Variants in RBL2 observed in about 807,000 individuals in gnomAD.
RBL2 encodes the protein retinoblastoma-like protein 2.
A neutral mutation model predicts 126.0 loss-of-function variants in RBL2; 56 were observed. The ratio of observed to expected loss-of-function variants is 0.44; its 90% CI spans 0.36 to 0.56. The LOEUF (loss-of-function observed/expected upper bound fraction) is 0.56, where lower values mean the gene tolerates loss of function less well. Ranked by LOEUF, RBL2 falls within the 20% of genes least tolerant of loss-of-function variation. RBL2 has a pLI of 0.00. For synonymous variants in RBL2, 454 were observed against 478.5 expected (o/e 0.95, Z 0.67); for missense variants, 1,229 against 1,398.2 (o/e 0.88, Z 1.93).
chr16:53,454,220 T>A, intron 7 of RBL2: 1 of 453,920 alleles, frequency 2.2e-6, no homozygotes, highest in Non-Finnish European at 4.4e-6. Context: ...TGTTTTGTTT[T>A]TTGAGATGGA....
At chr16:53,466,890 G>T (rs1257682974) in intron 13 of RBL2, 168 bp from the exon 14 acceptor site, 3 of 559,140 alleles carry the variant, frequency 5.4e-6, no homozygotes, top group Non-Finnish European at 9.5e-6. Context: ...TGAATTTTTT[G>T]ACTGCCAAAA....
intron 1 of RBL2, 28 bp from the exon 2 acceptor site, chr16:53,438,988 T>TA: frequency 6.8e-7 from 1 of 1,474,080 alleles, no homozygotes; most frequent in Non-Finnish European, 9.1e-7. Flanking sequence ...GCTTTTTAAC[T>TA]AAAAATCAAT....
chr16:53,454,349 C>T (rs886739502), intron 7 of RBL2: 1 of 365,474 alleles, frequency 2.7e-6, no homozygotes, highest in African/African-American at 2.2e-5. Context: ...TGAATACAGG[C>T]ACGTGCCACC....
chr16:53,462,494 G>A, intron 10 of RBL2, 58 bp from the exon 11 acceptor site: 1 of 1,008,346 alleles, frequency 9.9e-7, no homozygotes, highest in Non-Finnish European at 1.5e-6. Context: ...GGAGGAATGG[G>A]CCTTTATTTT....
chr16:53,463,486 C>T (rs1327521855), intron 11 of RBL2, among the ~76,000 whole-genome samples: 2 of 151,690 alleles, frequency 1.3e-5, no homozygotes, highest in South Asian at 2.1e-4. Flanking sequence ...AGGTGATCTG[C>T]CTGCTTCGGC....
At chr16:53,463,564 T>C (rs1295104455) in intron 11 of RBL2, among the ~76,000 whole-genome samples, 1 of 140,852 alleles carries the variant, frequency 7.1e-6, no homozygotes, top group Non-Finnish European at 1.5e-5. Context: ...TTTTTTCCTT[T>C]TTTTTTTTTT....
chr16:53,449,958 C>CTTTTTT (rs764078451), intron 4 of RBL2, among the ~76,000 whole-genome samples: 3 of 109,744 alleles, frequency 2.7e-5, no homozygotes, highest in East Asian at 2.5e-4. Context: ...ACAGTACTGC[C>CTTTTTT]TTTTTTTTTT....
At chr16:53,467,937 A>G (rs962639563) in intron 14 of RBL2, among the ~76,000 whole-genome samples, 1 of 152,208 alleles carries the variant, frequency 6.6e-6, no homozygotes, top group African/African-American at 2.4e-5. Context: ...ACAACTGAGT[A>G]TGTTCCACTT....
In RBL2 at chr16:53,490,306, G is replaced by T. The variant is rs1301554538; in HGVS notation, c.*6G>T. 1 of 1,593,304 alleles carries T rather than the reference G, an allele frequency of 6.3e-7. No individual in the cohort carries two copies. Among genetic ancestry groups the T allele is most frequent in the African/African-American group, 1.3e-5 (1 of 74,212 alleles). On this transcript the variant is annotated 3_prime_UTR_variant, in exon 22 of 22. Coordinates refer to ENST00000262133, the MANE Select transcript of RBL2 (RefSeq NM_005611.4). ...ATGACCGTGGTTCCCACTGAGGTTA[G>T]TCTCTTGTATTAAACTCTTCACAAA... is the stretch of plus-strand genomic sequence containing the variant.
chr16:53,471,956 G>A (rs1396156198), intron 17 of RBL2, among the ~76,000 whole-genome samples: 1 of 152,172 alleles, frequency 6.6e-6, no homozygotes, highest in Non-Finnish European at 1.5e-5. Context: ...GCAACCAGCA[G>A]TTGGCATTCT....
intron 21 of RBL2, chr16:53,489,741 G>A (rs1343156197): frequency 6.5e-6 from 1 of 154,824 alleles, no homozygotes; most frequent in Non-Finnish European, 1.4e-5. Context: ...CTGAAAAAAA[G>A]GGAATATTGT....
At position 53,476,368 on chromosome 16, in the gene RBL2, TC is replaced by T. The variant is rs532631168; in HGVS notation, c.2704-2785del. On this transcript the variant is annotated intron_variant, in intron 17 of 21. Transcript: ENST00000262133. ...AAAACACACTTCATTTTATTCCAGTTCTTTTAAATATATTAAGAATTGTTTT... is the reference window on the plus strand; with the variant it reads ...AAAACACACTTCATTTTATTCCAGTTTTTTAAATATATTAAGAATTGTTTT... 7.2e-5 allele frequency among the ~76,000 whole-genome samples: 11 copies of T among 152,344 alleles called. No individual in the cohort carries two copies. In the East Asian group the frequency reaches 1.9e-3, roughly 27 times the overall value.
intron 8 of RBL2, among the ~76,000 whole-genome samples, chr16:53,456,187 AAAAG>A (rs1209693869): frequency 5.4e-5 from 2 of 37,008 alleles, no homozygotes; most frequent in African/African-American, 5.0e-4. Flanking sequence ...AAAAAAAAAG[AAAAG>A]AAGAAGAAAA....
chr16:53,475,255 G>T (rs374333521), intron 17 of RBL2, among the ~76,000 whole-genome samples: 6 of 152,118 alleles, frequency 3.9e-5, no homozygotes, highest in Admixed American at 2.0e-4. Context: ...TCACTCTGTT[G>T]TCCAGGCTGG....
At chr16:53,482,494 A>G (rs1181613033) in intron 21 of RBL2, among the ~76,000 whole-genome samples, 1 of 152,346 alleles carries the variant, frequency 6.6e-6, no homozygotes, top group South Asian at 2.1e-4. Context: ...AGGCCCTTAC[A>G]TAATGAGATT....
At chr16:53,457,030 T>C (rs2058173882) in intron 8 of RBL2, among the ~76,000 whole-genome samples, 1 of 152,030 alleles carries the variant, frequency 6.6e-6, no homozygotes, top group Non-Finnish European at 1.5e-5. Flanking sequence ...ATAGTAGACA[T>C]TCGGGGAACA....
chr16:53,482,407 G>A (rs1960989228), intron 21 of RBL2, among the ~76,000 whole-genome samples: 1 of 152,214 alleles, frequency 6.6e-6, no homozygotes, highest in Admixed American at 6.5e-5. Flanking sequence ...GAAGAAAACA[G>A]TGTCCTTGAG....
rs1961382875 is a variant in RBL2 at position 53,490,616 on chromosome 16, T to C, written c.*316T>C. 4.6e-6 allele frequency: 1 copy of C among 216,848 alleles called. No homozygotes were observed. The highest frequency in any genetic ancestry group is 9.6e-5 in the East Asian group (1 of 10,458). The allele number at this position is 216,848 out of a possible 1,614,324, so 13.4% of individuals were successfully genotyped here. On this transcript the variant is annotated 3_prime_UTR_variant, in exon 22 of 22. Transcript: ENST00000262133. Reference sequence around the variant, plus strand: ...AATGATGTGTACCCAAACGTGAGCATAGGAGGCTTCTGTTGACGTACTCCA... The same window carrying C: ...AATGATGTGTACCCAAACGTGAGCACAGGAGGCTTCTGTTGACGTACTCCA...
At chr16:53,463,266 A>G (rs2058239929) in intron 11 of RBL2, among the ~76,000 whole-genome samples, 1 of 152,248 alleles carries the variant, frequency 6.6e-6, no homozygotes, top group Non-Finnish European at 1.5e-5. Context: ...ATCCTATGAT[A>G]AACATATTCA....
Sources: allele counts gnomAD v4.1 joint callset (sites outside exome capture counted in the v4.1 genomes callset), GRCh38; gene constraint gnomAD v4.1.1; transcripts MANE v1.5; gene names NCBI Gene and HGNC (gene_info 2026-07-23, HGNC 2026-07-21).